The following CREB5 variants were observed in gnomAD, a reference collection of about 807,000 sequenced individuals.
CREB5 encodes the protein cyclic AMP-responsive element-binding protein 5.
A neutral mutation model predicts 57.1 loss-of-function variants in CREB5; 19 were observed. The ratio of observed to expected loss-of-function variants is 0.33; its 90% CI spans 0.23 to 0.49. The LOEUF (loss-of-function observed/expected upper bound fraction) is 0.49, where lower values mean the gene tolerates loss of function less well. Ranked by LOEUF, CREB5 falls within the 20% of genes least tolerant of loss-of-function variation. The pLI, the probability that CREB5 is intolerant of heterozygous loss-of-function variation, is 0.99. For synonymous variants in CREB5, 238 were observed against 238.3 expected (o/e 1.00, Z 0.01); for missense variants, 579 against 671.6 (o/e 0.86, Z 1.52).
intron 1 of CREB5, among the ~76,000 whole-genome samples, chr7:28,466,384 G>T (rs1423830223): frequency 2.0e-5 from 3 of 152,162 alleles, no homozygotes; most frequent in Non-Finnish European, 4.4e-5. Flanking sequence ...AGTGTTGGGG[G>T]TGGTGGAAAG....
chr7:28,599,790 A>G (rs1391716859), intron 5 of CREB5, among the ~76,000 whole-genome samples: 3 of 151,714 alleles, frequency 2.0e-5, no homozygotes, highest in African/African-American at 7.3e-5. Context: ...GCATCCTCTC[A>G]TCATCACGTT....
chr7:28,326,247 A>T (rs541023555), intron 1 of CREB5, among the ~76,000 whole-genome samples: 1 of 152,088 alleles, frequency 6.6e-6, no homozygotes. Flanking sequence ...TCACACTGAT[A>T]CCCACAGTTC....
intron 5 of CREB5, among the ~76,000 whole-genome samples, chr7:28,638,432 A>G (rs1321217534): frequency 1.3e-5 from 2 of 151,676 alleles, no homozygotes. Flanking sequence ...TCCAACCTCA[A>G]CCTCTCCGGA....
intron 1 of CREB5, among the ~76,000 whole-genome samples, chr7:28,429,504 C>A (rs566760785): frequency 3.0e-4 from 45 of 152,286 alleles, no homozygotes; most frequent in African/African-American, 1.1e-3. Flanking sequence ...TGCGTCGCAC[C>A]TCCTTTCCTG....
intron 5 of CREB5, among the ~76,000 whole-genome samples, chr7:28,595,784 G>A (rs1796673264): frequency 6.6e-6 from 1 of 152,104 alleles, no homozygotes; most frequent in East Asian, 1.9e-4. Flanking sequence ...TCATATTTCA[G>A]ACCCATTTTG....
chr7:28,558,900 A>G (rs1036420692), intron 4 of CREB5, among the ~76,000 whole-genome samples: 2 of 152,150 alleles, frequency 1.3e-5, no homozygotes, highest in Non-Finnish European at 2.9e-5. Flanking sequence ...CTGGTAAGGA[A>G]GGGAGAGACA....
chr7:28,772,283 T>A (rs2282908), intron 7 of CREB5, among the ~76,000 whole-genome samples: 3 of 151,886 alleles, frequency 2.0e-5, no homozygotes, highest in Non-Finnish European at 4.4e-5. Context: ...CGCTGGAAGT[T>A]GGGGCAAAAG....
intron 1 of CREB5, among the ~76,000 whole-genome samples, chr7:28,340,633 C>G (rs1367814582): frequency 6.6e-6 from 1 of 152,226 alleles, no homozygotes; most frequent in Non-Finnish European, 1.5e-5. Context: ...CTTGACCACT[C>G]TGGCTGGTAT....
chr7:28,379,362 A>G lies in CREB5; in HGVS notation c.-25+79921A>G, dbSNP rs189731142. Among the ~76,000 whole-genome samples, 101 of 152,330 alleles carry G rather than the reference A, an allele frequency of 6.6e-4. 1 individual carries two copies. The highest frequency in any genetic ancestry group is 1.4e-3 in the Admixed American group (22 of 15,300). On this transcript the variant is annotated intron_variant, in intron 1 of 9. Coordinates refer to the CREB5 transcript ENST00000396299. ...AAAGCAATTCAATTTGTTTATCACAATATGTTCTGCTGACCCTCAGTGTTT... is the reference window on the plus strand; with the variant it reads ...AAAGCAATTCAATTTGTTTATCACAGTATGTTCTGCTGACCCTCAGTGTTT...
At chr7:28,331,848 C>CAA (rs145837781) in intron 1 of CREB5, among the ~76,000 whole-genome samples, 15 of 75,534 alleles carry the variant, frequency 2.0e-4, no homozygotes, top group East Asian at 5.8e-4. Flanking sequence ...AACTCCATCT[C>CAA]AAAAAAAAAA....
At chr7:28,512,035 T>A (rs1334548812) in intron 4 of CREB5, among the ~76,000 whole-genome samples, 3 of 152,088 alleles carry the variant, frequency 2.0e-5, no homozygotes, top group African/African-American at 7.2e-5. Flanking sequence ...GATTGGGAAG[T>A]AATAGAAGCA....
intron 7 of CREB5, among the ~76,000 whole-genome samples, chr7:28,752,138 C>T (rs1805014163): frequency 6.6e-6 from 1 of 152,086 alleles, no homozygotes; most frequent in Non-Finnish European, 1.5e-5. Context: ...CCAGTGTTCT[C>T]CCCTCTCAAG....
At chr7:28,735,196 T>C (rs1803904850) in intron 7 of CREB5, among the ~76,000 whole-genome samples, 1 of 152,218 alleles carries the variant, frequency 6.6e-6, no homozygotes, top group South Asian at 2.1e-4. Context: ...TTGTTTTTAT[T>C]CTAAGCTTAA....
At chr7:28,459,648 A>G (rs184138663) in intron 1 of CREB5, among the ~76,000 whole-genome samples, 185 of 152,266 alleles carry the variant, frequency 1.2e-3, no homozygotes, top group African/African-American at 4.1e-3. Context: ...GGATTGGCTG[A>G]TGTGTCTGCT....
intron 7 of CREB5, among the ~76,000 whole-genome samples, chr7:28,766,498 A>G (rs1174782379): frequency 6.6e-6 from 1 of 152,242 alleles, no homozygotes; most frequent in Non-Finnish European, 1.5e-5. Context: ...CCAGAATTTT[A>G]GTTAAATTTC....
intron 5 of CREB5, among the ~76,000 whole-genome samples, chr7:28,596,920 A>G (rs545154326): frequency 3.9e-5 from 6 of 152,292 alleles, no homozygotes; most frequent in Non-Finnish European, 7.3e-5. Flanking sequence ...TGTGAACCTT[A>G]GGGCCAAGAT....
chr7:28,400,813 C>T (rs1787446315), intron 1 of CREB5, among the ~76,000 whole-genome samples: 2 of 152,110 alleles, frequency 1.3e-5, no homozygotes, highest in South Asian at 4.1e-4. Flanking sequence ...TCCCCATCGG[C>T]AGTACATGAG....
At position 28,560,985 on chromosome 7, in the gene CREB5, C is replaced by A. The variant is rs13231344; in HGVS notation, c.292-9380C>A. Among the ~76,000 whole-genome samples the A allele has an allele frequency of 7.3e-5, 2 of 27,368 alleles. 1 individual carries two copies. The highest frequency in any genetic ancestry group is 1.6e-4 in the Non-Finnish European group (2 of 12,334). 18.0% of individuals were successfully genotyped at this position (27,368 alleles called of 152,430 possible). On this transcript the variant is annotated intron_variant, in intron 4 of 10. Transcript: ENST00000357727. ...GCGTGTGTGTGTGCGTGTGTGCGTG[C>A]GTGTGTGTGCCTGCGTGTGCGTGTG...
At chr7:28,502,494 C>T (rs1792311943) in intron 3 of CREB5, among the ~76,000 whole-genome samples, 2 of 152,162 alleles carry the variant, frequency 1.3e-5, no homozygotes, top group East Asian at 1.9e-4. Context: ...ATTTGAATAG[C>T]CCTCTTGAGG....
Sources: allele counts gnomAD v4.1 joint callset (sites outside exome capture counted in the v4.1 genomes callset), GRCh38; gene constraint gnomAD v4.1.1; transcripts MANE v1.5; gene names NCBI Gene and HGNC (gene_info 2026-07-23, HGNC 2026-07-21).